Variants in VCL observed in about 807,000 individuals in gnomAD.
VCL encodes vinculin.
Under a neutral mutation model 125.7 loss-of-function variants are expected in VCL, and 47 were observed. That is an observed-to-expected ratio of 0.37 (90% CI 0.30 to 0.48). The LOEUF (loss-of-function observed/expected upper bound fraction) is 0.48. Ranked by LOEUF, VCL falls within the 20% of genes least tolerant of loss-of-function variation. VCL has a pLI of 0.99. For synonymous variants in VCL, 458 were observed against 514.6 expected (o/e 0.89, Z 1.49); for missense variants, 1,069 against 1,455.5 (o/e 0.73, Z 4.32).
In VCL at chr10:74,114,869, G is replaced by C. The variant is rs1331829991; in HGVS notation, c.3228G>C (p.Arg1076=). 1 of 1,603,210 alleles carries C rather than the reference G, an allele frequency of 6.2e-7. No individual in the cohort carries two copies. The highest frequency in any genetic ancestry group is 1.3e-5 in the African/African-American group (1 of 74,364). ...CAGTGAAGGCCACCATGCTGGGCCG[G>C]ACCAACATCAGTGATGAGGAGTCTG... The part of the protein sequence containing the change: ...LSTVKATMLG[R]TNISDEESEQ... The change falls in exon 21 of 22, where the codon CGG becomes CGC. Residue 1076 remains arginine, a synonymous_variant. Transcript: ENST00000211998.
At chr10:74,057,609 G>A (rs1244090727) in intron 2 of VCL, among the ~76,000 whole-genome samples, 1 of 152,076 alleles carries the variant, frequency 6.6e-6, no homozygotes, top group African/African-American at 2.4e-5. Flanking sequence ...GGCCATGTAT[G>A]TAGTCACAGG....
chr10:74,073,589 G>A (rs879872174), intron 5 of VCL, among the ~76,000 whole-genome samples: 1 of 152,164 alleles, frequency 6.6e-6, no homozygotes, highest in African/African-American at 2.4e-5. Context: ...CCTTTTTAGT[G>A]TGTATTAATC....
Position 74,072,920 on chromosome 10 carries a change from A to G in VCL, c.622+68A>G, listed in dbSNP as rs186049854. ...TAGCATGTTCTAAACTCTGAGGTTC[A>G]TTTTGTTTTCTTTTGTTTTCTTTTC... On this transcript the variant is annotated intron_variant, in intron 5 of 21. Transcript: ENST00000211998. The G allele has an allele frequency of 1.8e-5, 28 of 1,590,752 alleles. No individual in the cohort carries two copies. In the South Asian group the frequency reaches 2.4e-4, roughly 14 times the overall value.
chr10:74,010,583 T>C (rs1219219054), intron 1 of VCL, among the ~76,000 whole-genome samples: 1 of 152,052 alleles, frequency 6.6e-6, no homozygotes, highest in Non-Finnish European at 1.5e-5. Flanking sequence ...CAATTTATGT[T>C]TCTCTGGGTA....
chr10:74,070,017 T>G (rs1317324508), intron 2 of VCL, among the ~76,000 whole-genome samples: 1 of 152,202 alleles, frequency 6.6e-6, no homozygotes, highest in Non-Finnish European at 1.5e-5. Flanking sequence ...TTTATTTTCT[T>G]TTAACAATAT....
chr10:74,056,850 C>G (rs144644891), intron 2 of VCL, among the ~76,000 whole-genome samples: 4 of 152,126 alleles, frequency 2.6e-5, no homozygotes, highest in African/African-American at 9.7e-5. Context: ...CAATCTGTGC[C>G]AAATGCTTCA....
At chr10:74,080,572 A>G (rs1839660171) in intron 6 of VCL, among the ~76,000 whole-genome samples, 2 of 152,204 alleles carry the variant, frequency 1.3e-5, no homozygotes, top group African/African-American at 4.8e-5. Flanking sequence ...GAGTAGACAT[A>G]AAAATTTCTG....
At chr10:74,112,675 T>C (rs1157760539) in intron 19 of VCL, among the ~76,000 whole-genome samples, 1 of 151,998 alleles carries the variant, frequency 6.6e-6, no homozygotes. Flanking sequence ...TCCAGGTATC[T>C]CAGTGGGAGG....
rs1554815581 is a variant in VCL at position 74,052,946 on chromosome 10, A to ATAT, written c.239+9793_239+9794insTAT. Among the ~76,000 whole-genome samples, 8 of 99,810 alleles carry ATAT rather than the reference A, an allele frequency of 8.0e-5. No homozygotes were observed. In the South Asian group the frequency reaches 2.3e-3, roughly 28 times the overall value. The allele number at this position is 99,810 out of a possible 152,430, so 65.5% of individuals were successfully genotyped here. A position where few individuals can be genotyped will look rare whatever the true frequency, so the allele number is the denominator to read the frequency against. On this transcript the variant is annotated intron_variant, in intron 2 of 21. Coordinates refer to ENST00000211998, the MANE Select transcript of VCL (RefSeq NM_014000.3). ...CTACCTGGCTGTGATGAAAAAAAAAAATATATATATATATATATATAGTGC... is the reference window on the plus strand; with the variant it reads ...CTACCTGGCTGTGATGAAAAAAAAAATATATATATATATATATATATATAGTGC...
At chr10:74,017,620 T>G (rs1048176708) in intron 1 of VCL, among the ~76,000 whole-genome samples, 1 of 151,158 alleles carries the variant, frequency 6.6e-6, no homozygotes, top group Non-Finnish European at 1.5e-5. Flanking sequence ...TGGTATGATC[T>G]CAGCTCACTA....
chr10:74,009,936 C>A (rs1160641500), intron 1 of VCL, among the ~76,000 whole-genome samples: 1 of 149,276 alleles, frequency 6.7e-6, no homozygotes, highest in African/African-American at 2.5e-5. Context: ...TTTTTCTTTA[C>A]TTTTTTGAGA....
intron 1 of VCL, among the ~76,000 whole-genome samples, chr10:74,011,431 C>T (rs1052999867): frequency 6.6e-6 from 1 of 151,814 alleles, no homozygotes; most frequent in African/African-American, 2.4e-5. Context: ...CTCCTCCCTA[C>T]TCTCCTAGGG....
intron 1 of VCL, among the ~76,000 whole-genome samples, chr10:74,036,710 A>T (rs1357431685): frequency 6.6e-6 from 1 of 151,804 alleles, no homozygotes; most frequent in East Asian, 1.9e-4. Flanking sequence ...ATCTTAAAAA[A>T]AAAAAAGTAA....
chr10:74,107,814 A>AT (rs902401080), intron 17 of VCL, among the ~76,000 whole-genome samples: 2 of 151,912 alleles, frequency 1.3e-5, no homozygotes, highest in African/African-American at 4.8e-5. Flanking sequence ...CTTTTAAAAA[A>AT]TTTTTCCCTA....
chr10:74,022,162 G>C (rs947921028), intron 1 of VCL, among the ~76,000 whole-genome samples: 1 of 152,088 alleles, frequency 6.6e-6, no homozygotes, highest in Non-Finnish European at 1.5e-5. Flanking sequence ...GTTTTTAACT[G>C]TCCAGGAGCT....
chr10:74,065,127 A>G (rs1564521693), intron 2 of VCL, among the ~76,000 whole-genome samples: 1 of 151,460 alleles, frequency 6.6e-6, no homozygotes, highest in Non-Finnish European at 1.5e-5. Context: ...TCAAATGTAT[A>G]ATCCCAGCAC....
At chr10:74,017,342 C>T (rs926673193) in intron 1 of VCL, among the ~76,000 whole-genome samples, 8 of 152,096 alleles carry the variant, frequency 5.3e-5, no homozygotes, top group Non-Finnish European at 1.0e-4. Flanking sequence ...CCACCGCGCC[C>T]GGCCTCCTTC....
chr10:74,082,693 A>G (rs1242542677), intron 7 of VCL, 149 bp downstream of exon 7: 2 of 849,920 alleles, frequency 2.4e-6, no homozygotes, highest in Non-Finnish European at 3.9e-6. Context: ...GTTCTGAGTA[A>G]CTGAAGCAAG....
At chr10:74,025,091 A>G (rs1840746921) in intron 1 of VCL, among the ~76,000 whole-genome samples, 1 of 152,154 alleles carries the variant, frequency 6.6e-6, no homozygotes, top group African/African-American at 2.4e-5. Flanking sequence ...ATCTCAGCTC[A>G]CTGCAACCTC....
Sources: allele counts gnomAD v4.1 joint callset (sites outside exome capture counted in the v4.1 genomes callset), GRCh38; gene constraint gnomAD v4.1.1; transcripts MANE v1.5; gene names NCBI Gene and HGNC (gene_info 2026-07-23, HGNC 2026-07-21).